FADS2: variants seen among roughly 807,000 people sequenced by gnomAD.
FADS2 encodes the protein fatty acid desaturase 2, also known as acyl-CoA 6-desaturase.
A neutral mutation model predicts 61.2 loss-of-function variants in FADS2; 18 were observed. That is an observed-to-expected ratio of 0.29 (90% CI 0.20 to 0.44). The LOEUF (loss-of-function observed/expected upper bound fraction) is 0.44. Among genes scored for constraint, FADS2 ranks in the 20% least tolerant of loss-of-function variants. The pLI, the probability that FADS2 is intolerant of heterozygous loss-of-function variation, is 1.00. For missense variants in FADS2, 322 were observed against 572.7 expected (o/e 0.56, Z 4.47); for synonymous variants, 203 against 223.9 (o/e 0.91, Z 0.83).
In FADS2 at chr11:61,816,274, G is replaced by C. The variant is rs1283492546; in HGVS notation, c.-12G>C. ...CCCGCCCAGAGACCTGAGGCTCGGG[G>C]CTGCAGATGGAATGCACGGCAGGGA... On this transcript the variant is annotated 5_prime_UTR_variant, in exon 1 of 12. Coordinates refer to the FADS2 transcript ENST00000257261. This position sits in a 1 kb window ranked among gnomAD's most constrained non-coding sequence, Gnocchi z 7.0. 1 of 1,598,144 alleles carries C rather than the reference G, an allele frequency of 6.3e-7. No individual in the cohort carries two copies. Among genetic ancestry groups the C allele is most frequent in the Non-Finnish European group, 8.5e-7 (1 of 1,179,740 alleles).
intron 1 of FADS2, among the ~76,000 whole-genome samples, chr11:61,833,092 G>A (rs1028665757): frequency 1.3e-5 from 2 of 152,242 alleles, no homozygotes; most frequent in Admixed American, 6.5e-5. Context: ...AACTGGCAAA[G>A]AGCGAAGTGT....
At chr11:61,852,780 T>A (rs2067318508) in intron 5 of FADS2, among the ~76,000 whole-genome samples, 1 of 152,192 alleles carries the variant, frequency 6.6e-6, no homozygotes, top group Non-Finnish European at 1.5e-5. Flanking sequence ...TCCACTTACG[T>A]CTCTTCGTAA....
chr11:61,841,276 T>A (rs2067214957), intron 4 of FADS2, among the ~76,000 whole-genome samples: 1 of 152,068 alleles, frequency 6.6e-6, no homozygotes, highest in Non-Finnish European at 1.5e-5. Flanking sequence ...GGTATCAAAC[T>A]TCTGACCTTG....
chr11:61,856,230 C>T (rs911719625), intron 5 of FADS2: 1 of 152,194 alleles, frequency 6.6e-6, no homozygotes, highest in Non-Finnish European at 1.5e-5. Flanking sequence ...GGTTCCTATG[C>T]CTGGCATTGG....
intron 2 of FADS2, 29 bp downstream of exon 2, chr11:61,837,917 G>T (rs767209852): frequency 1.3e-6 from 2 of 1,519,104 alleles, no homozygotes; most frequent in East Asian, 2.3e-5. Flanking sequence ...CTGGGTGGGG[G>T]TGGAGACGAG....
At position 61,862,862 on chromosome 11, in the gene FADS2, G is replaced by A. The variant is rs181778457; in HGVS notation, c.883-110G>A. 194 of 830,878 alleles carry A rather than the reference G, an allele frequency of 2.3e-4. No homozygotes were observed. The African/African-American group carries it at 2.8e-3, about 12-fold the overall frequency. 51.5% of individuals were successfully genotyped at this position (830,878 alleles called of 1,614,324 possible). A position where few individuals can be genotyped will look rare whatever the true frequency, so the allele number is the denominator to read the frequency against. On this transcript the variant is annotated intron_variant, in intron 7 of 11. Transcript: ENST00000278840. ...TGCCCATTGCATTTCAGTGGGCTGC[G>A]GTCCAGCTTCTAGAGGCCTGAGTGT... is the stretch of plus-strand genomic sequence containing the variant.
At chr11:61,857,682 C>A in intron 7 of FADS2, 152 bp downstream of exon 7, 1 of 669,188 alleles carries the variant, frequency 1.5e-6, no homozygotes, top group Non-Finnish European at 2.7e-6. Flanking sequence ...CAGGAAAGGA[C>A]TCCCTCTGGG....
chr11:61,834,507 G>A (rs2067154285), intron 1 of FADS2, among the ~76,000 whole-genome samples: 1 of 152,124 alleles, frequency 6.6e-6, no homozygotes, highest in Admixed American at 6.5e-5. Flanking sequence ...GAGGCTGCCC[G>A]AGAGCCCTCT....
At chr11:61,860,857 G>T (rs1022647501) in intron 7 of FADS2, among the ~76,000 whole-genome samples, 2 of 152,104 alleles carry the variant, frequency 1.3e-5, no homozygotes, top group African/African-American at 4.8e-5. Context: ...GCAGTGAGCT[G>T]TGATCACACC....
At chr11:61,850,909 A>G (rs1435251956) in intron 5 of FADS2, among the ~76,000 whole-genome samples, 1 of 152,154 alleles carries the variant, frequency 6.6e-6, no homozygotes. Flanking sequence ...CTGGCTCCCC[A>G]GTTCTGGTTT....
chr11:61,826,029 C>T (rs2067082110), upstream of FADS2: 1 of 701,764 alleles, frequency 1.4e-6, no homozygotes, highest in Non-Finnish European at 2.6e-6. Context: ...CACTGTTCCC[C>T]AGTTTCTCCC....
chr11:61,826,946 T>C (rs567633876), upstream of FADS2, among the ~76,000 whole-genome samples: 33 of 152,316 alleles, frequency 2.2e-4, no homozygotes, highest in African/African-American at 5.8e-4. Context: ...CCTGTTTACC[T>C]CTCAGCCTGT....
chr11:61,855,142 C>T (rs2067345117), intron 5 of FADS2: 1 of 152,684 alleles, frequency 6.5e-6, no homozygotes, highest in African/African-American at 2.4e-5. Context: ...TCAGTCCCTC[C>T]ATAGGATGCC....
Position 61,816,730 on chromosome 11 carries a change from G to A in FADS2, c.141+304G>A, listed in dbSNP as rs1293133395. 2 of 1,559,888 alleles carry A rather than the reference G, an allele frequency of 1.3e-6. No individual in the cohort carries two copies. Among genetic ancestry groups the A allele is most frequent in the African/African-American group, 2.7e-5 (2 of 73,674 alleles). Reference sequence around the variant, plus strand: ...GCGCGGGGTAGGTCCCTGAGCCGCGGTCTCGGCGGCCACCGGGTCGGGGGC... The same window carrying A: ...GCGCGGGGTAGGTCCCTGAGCCGCGATCTCGGCGGCCACCGGGTCGGGGGC... On this transcript the variant is annotated intron_variant, in intron 1 of 11. Coordinates refer to the FADS2 transcript ENST00000257261. The surrounding 1 kb of genome is among the most constrained non-coding windows in gnomAD (Gnocchi z 7.0).
chr11:61,838,001 C>T, intron 2 of FADS2, 113 bp downstream of exon 2: 1 of 756,026 alleles, frequency 1.3e-6, no homozygotes, highest in Non-Finnish European at 2.2e-6. Flanking sequence ...GGCAGGGGTG[C>T]TTTTGTCCTG....
rs371204506 is a variant in FADS2, at chr11:61,833,436, C to T, written c.208-4342C>T. ...ATTTATGGCAATGTGAAGGGAGAGA[C>T]ACAAAATATAATCAACTCTCAGGGA... is the stretch of plus-strand genomic sequence containing the variant. On this transcript the variant is annotated intron_variant, in intron 1 of 11. Transcript: ENST00000278840. Among the ~76,000 whole-genome samples the T allele has an allele frequency of 3.5e-4, 53 of 152,306 alleles. 1 individual carries two copies. The South Asian group carries it at 0.011, about 32-fold the overall frequency.
rs747092937 is a variant in FADS2 at position 61,816,876 on chromosome 11, C to G, written c.141+450C>G. ...CGCCCAGAGCCAGCCGCCTGCGCGC[C>G]GGGTTTTCAGCACCGCAGGGCAGAC... On this transcript the variant is annotated intron_variant, in intron 1 of 11. Transcript: ENST00000257261. The surrounding 1 kb of genome is among the most constrained non-coding windows in gnomAD (Gnocchi z 7.0). 8.0e-4 allele frequency: 1,183 copies of G among 1,476,878 alleles called. 10 individuals carry two copies. Among genetic ancestry groups the G allele is most frequent in the Non-Finnish European group, 3.1e-4 (354 of 1,124,830 alleles). The allele number at this position is 1,476,878 out of a possible 1,614,324, so 91.5% of individuals were successfully genotyped here.
intron 8 of FADS2, 93 bp from the exon 9 acceptor site, chr11:61,863,189 C>T: frequency 2.1e-6 from 3 of 1,424,516 alleles, no homozygotes; most frequent in Non-Finnish European, 3.0e-6. Flanking sequence ...GGCCCCTTGG[C>T]AGGGGCTGTC....
upstream of FADS2, among the ~76,000 whole-genome samples, chr11:61,823,308 T>C (rs564474902): frequency 6.6e-6 from 1 of 152,330 alleles, no homozygotes; most frequent in South Asian, 2.1e-4. Flanking sequence ...AGGATTGTAG[T>C]TGAGACACCT....
Sources: allele counts gnomAD v4.1 joint callset (sites outside exome capture counted in the v4.1 genomes callset), GRCh38; gene constraint gnomAD v4.1.1; non-coding constraint Gnocchi (gnomAD v3.1); transcripts MANE v1.5; gene names NCBI Gene and HGNC (gene_info 2026-07-23, HGNC 2026-07-21).